The following STK3 variants were observed in gnomAD, a reference collection of about 807,000 sequenced individuals.
The protein encoded by STK3 is serine/threonine kinase 3, also known as serine/threonine-protein kinase 3.
A neutral mutation model predicts 58.0 loss-of-function variants in STK3; 41 were observed. The ratio of observed to expected loss-of-function variants is 0.71; its 90% CI spans 0.55 to 0.92. The LOEUF (loss-of-function observed/expected upper bound fraction) is 0.92, where lower values mean the gene tolerates loss of function less well. Among genes scored for constraint, STK3 ranks in the 40% least tolerant of loss-of-function variants. The pLI is 0.00. For missense variants in STK3, 479 were observed against 602.7 expected, an observed-to-expected ratio of 0.79 and a Z score of 2.15; for synonymous variants, 170 against 191.0, an observed-to-expected ratio of 0.89 and a Z score of 0.91.
chr8:98,443,052 T>C (rs1818756794), intron 1 of STK3, among the ~76,000 whole-genome samples: 1 of 151,696 alleles, frequency 6.6e-6, no homozygotes, highest in African/African-American at 2.4e-5. Flanking sequence ...AAAGCAGATG[T>C]GAGGCATCTG....
At chr8:98,922,810 T>G (rs1241682272) in intron 1 of STK3, among the ~76,000 whole-genome samples, 1 of 152,256 alleles carries the variant, frequency 6.6e-6, no homozygotes, top group East Asian at 1.9e-4. Flanking sequence ...AATTATGGTT[T>G]ATCAAAGTAC....
At chr8:98,716,803 G>C (rs1827052563) in intron 4 of STK3, among the ~76,000 whole-genome samples, 1 of 152,122 alleles carries the variant, frequency 6.6e-6, no homozygotes, top group African/African-American at 2.4e-5. Context: ...AAAACAATGT[G>C]ATATTGGCAT....
At chr8:98,519,503 GAAGATTCCTAA>G in intron 10 of STK3, among the ~76,000 whole-genome samples, 1 of 44,328 alleles carries the variant, frequency 2.3e-5, no homozygotes, top group African/African-American at 7.6e-5. Flanking sequence ...CAGAACAAGT[GAAGATTCCTAA>G]AATGTCCATG....
At chr8:98,344,879 C>A in the STK3 span, among the ~76,000 whole-genome samples, 1 of 108,078 alleles carries the variant, frequency 9.3e-6, no homozygotes, top group Admixed American at 1.5e-4. Flanking sequence ...GGCGACAGAG[C>A]GAGACTCCGT....
intron 3 of STK3, among the ~76,000 whole-genome samples, chr8:98,869,846 T>A (rs186174739): frequency 0.044 from 6,685 of 151,718 alleles, 165 homozygotes; most frequent in South Asian, 0.071. Flanking sequence ...TTTTCTTTTT[T>A]TTATTATTAT....
downstream of STK3, among the ~76,000 whole-genome samples, chr8:98,401,023 T>C (rs1316603345): frequency 6.6e-5 from 10 of 152,048 alleles, no homozygotes; most frequent in Admixed American, 1.3e-4. Flanking sequence ...ATGGAGTGCA[T>C]ATAATTGACT....
At position 98,652,924 on chromosome 8, in the gene STK3, C is replaced by A. The variant is rs986153260; in HGVS notation, c.684+53543G>T. Among the ~76,000 whole-genome samples, 8 of 152,142 alleles carry A rather than the reference C, an allele frequency of 5.3e-5. No individual in the cohort carries two copies. The East Asian group carries it at 5.8e-4, about 11-fold the overall frequency. ...CACTGTCAACATTAGACAGATCAAC[C>A]AGACAGAAAGTTAATAAGCATACCC... On this transcript the variant is annotated intron_variant, in intron 6 of 10. Coordinates refer to ENST00000419617, the MANE Select transcript of STK3 (RefSeq NM_006281.4).
intron 10 of STK3, among the ~76,000 whole-genome samples, chr8:98,507,237 A>G (rs1407484555): frequency 6.6e-6 from 1 of 152,116 alleles, no homozygotes; most frequent in African/African-American, 2.4e-5. Context: ...TGGACACACA[A>G]TCGTATATTT....
chr8:98,405,996 G>T (rs1817989141), intron 3 of STK3, among the ~76,000 whole-genome samples: 1 of 152,070 alleles, frequency 6.6e-6, no homozygotes. Context: ...CATATCATAA[G>T]GTGACCCAGG....
intron 6 of STK3, among the ~76,000 whole-genome samples, chr8:98,699,552 C>T (rs1330145276): frequency 5.3e-5 from 8 of 152,156 alleles, no homozygotes; most frequent in Middle Eastern, 3.4e-3. Context: ...TGTGGATGTC[C>T]TTTCTGTTTG....
intron 9 of STK3, among the ~76,000 whole-genome samples, chr8:98,541,242 G>C (rs549943262): frequency 6.6e-6 from 1 of 152,228 alleles, no homozygotes; most frequent in South Asian, 2.1e-4. Flanking sequence ...AGTGCTGGAG[G>C]GGGGACTGGT....
In STK3 at chr8:98,627,987, G is replaced by A. The variant is rs187625272; in HGVS notation, c.685-31818C>T. 8.9e-3 allele frequency among the ~76,000 whole-genome samples: 1,352 copies of A among 152,256 alleles called. 12 individuals are homozygous for A. Among genetic ancestry groups the A allele is most frequent in the Non-Finnish European group, 0.013 (901 of 68,012 alleles). ...AGATAATTTGATACTACAAATATTT[G>A]TGGTTGTTAAAATTCAGGTACTAAG... On this transcript the variant is annotated intron_variant, in intron 6 of 10. Coordinates refer to ENST00000419617, the MANE Select transcript of STK3 (RefSeq NM_006281.4).
At chr8:98,885,629 G>A (rs1160103943) in intron 1 of STK3, among the ~76,000 whole-genome samples, 5 of 152,154 alleles carry the variant, frequency 3.3e-5, no homozygotes, top group African/African-American at 1.2e-4. Context: ...TAGTGGAGAC[G>A]GGGTTTCTCC....
intron 8 of STK3, among the ~76,000 whole-genome samples, chr8:98,557,663 G>T (rs1811704220): frequency 6.6e-6 from 1 of 152,080 alleles, no homozygotes; most frequent in African/African-American, 2.4e-5. Flanking sequence ...AAGATTTACA[G>T]TATCTGAAAA....
intron 10 of STK3, among the ~76,000 whole-genome samples, chr8:98,486,471 T>C (rs559671058): frequency 6.6e-6 from 1 of 152,324 alleles, no homozygotes; most frequent in Admixed American, 6.5e-5. Flanking sequence ...AAAGGTTCAA[T>C]GAAGTTCCAC....
At chr8:98,502,815 A>T (rs1308057796) in intron 10 of STK3, among the ~76,000 whole-genome samples, 1 of 152,176 alleles carries the variant, frequency 6.6e-6, no homozygotes, top group African/African-American at 2.4e-5. Flanking sequence ...CCAGTATTTT[A>T]TTGAGAATTT....
intron 2 of STK3, among the ~76,000 whole-genome samples, chr8:98,372,143 C>T (rs1349092809): frequency 1.3e-5 from 2 of 152,166 alleles, no homozygotes; most frequent in African/African-American, 2.4e-5. Context: ...CAGCTGCCAT[C>T]AGAAGCTAGG....
intron 6 of STK3, among the ~76,000 whole-genome samples, chr8:98,703,375 TATTTCACAAA>T (rs1265622243): frequency 1.3e-5 from 2 of 152,180 alleles, no homozygotes; most frequent in Non-Finnish European, 2.9e-5. Flanking sequence ...ATAAAATATT[TATTTCACAAA>T]ATTACTACAG....
At chr8:98,554,833 A>G (rs1419016094) in intron 8 of STK3, among the ~76,000 whole-genome samples, 2 of 152,172 alleles carry the variant, frequency 1.3e-5, no homozygotes, top group African/African-American at 4.8e-5. Flanking sequence ...ATTTTAGATT[A>G]GTATTATAAT....
Sources: gnomAD v4.1 joint callset for allele counts (sites outside exome capture counted in the v4.1 genomes callset) on GRCh38, gnomAD v4.1.1 for gene constraint, MANE v1.5 for transcripts, NCBI Gene and HGNC (gene_info 2026-07-23, HGNC 2026-07-21) for gene names.